The following OR8B8 variants were observed in gnomAD, a reference collection of about 807,000 sequenced individuals.
The protein encoded by OR8B8 is olfactory receptor family 8 subfamily B member 8, also known as olfactory receptor 8B8.
In OR8B8, 8 loss-of-function variants were observed where a neutral mutation model predicts 10.5. The ratio of observed to expected loss-of-function variants is 0.76; its 90% CI spans 0.45 to 1.38. The LOEUF (loss-of-function observed/expected upper bound fraction) is 1.38, where lower values mean the gene tolerates loss of function less well. Among genes scored for constraint, OR8B8 ranks in the 40% most tolerant of loss-of-function variants. OR8B8 has a pLI of 0.00. For synonymous variants in OR8B8, 150 were observed against 145.2 expected (o/e 1.03, Z -0.24); for missense variants, 390 against 380.5 (o/e 1.03, Z -0.21).
Position 124,443,612 on chromosome 11 carries a change from G to A in OR8B8, c.-153+1964C>T, listed in dbSNP as rs1347365743. Among the ~76,000 whole-genome samples the A allele has an allele frequency of 7.2e-5, 11 of 152,310 alleles. No individual in the cohort carries two copies. In the South Asian group the frequency reaches 1.5e-3, roughly 20 times the overall value. ...TTTAGCACATGACAAGTCACATAACGCTGGCCCTGTCTTCTAGCTGTGTTG... is the reference window on the plus strand; with the variant it reads ...TTTAGCACATGACAAGTCACATAACACTGGCCCTGTCTTCTAGCTGTGTTG... On this transcript the variant is annotated intron_variant, in intron 1 of 2. Coordinates refer to ENST00000642064, the MANE Select transcript of OR8B8 (RefSeq NM_012378.2).
intron 1 of OR8B8, among the ~76,000 whole-genome samples, chr11:124,442,744 CAT>C (rs1200082511): frequency 6.6e-6 from 1 of 152,154 alleles, no homozygotes; most frequent in East Asian, 1.9e-4. Context: ...TTGTTCTTTT[CAT>C]AACTCCCCTC....
Position 124,437,477 on chromosome 11 carries a change from A to T in OR8B8, c.*2673T>A, listed in dbSNP as rs1156625350. 6.6e-6 allele frequency: 1 copy of T among 152,236 alleles called. No individual in the cohort carries two copies. Among genetic ancestry groups the T allele is most frequent in the Non-Finnish European group, 1.5e-5 (1 of 68,072 alleles). The allele number at this position is 152,236 out of a possible 1,614,324, so 9.4% of individuals were successfully genotyped here. A position where few individuals can be genotyped will look rare whatever the true frequency, so the allele number is the denominator to read the frequency against. On this transcript the variant is annotated 3_prime_UTR_variant, in exon 3 of 3. Transcript: ENST00000642064. ...GGTGGCTTTTAAACAGCAGGAATTTATTTCTCATGGTTCCAGAGGCTGAGA... is the reference window on the plus strand; with the variant it reads ...GGTGGCTTTTAAACAGCAGGAATTTTTTTCTCATGGTTCCAGAGGCTGAGA...
At chr11:124,444,917 C>T (rs1411214683) in intron 1 of OR8B8, among the ~76,000 whole-genome samples, 1 of 152,144 alleles carries the variant, frequency 6.6e-6, no homozygotes, top group East Asian at 1.9e-4. Context: ...GGGAACAATA[C>T]ACTCTTCAAA....
Position 124,440,954 on chromosome 11 carries a change from G to T in OR8B8, c.132C>A (p.Gly44=), listed in dbSNP as rs377507238. 27 of 1,613,962 alleles carry T rather than the reference G, an allele frequency of 1.7e-5. No homozygotes were observed. The highest frequency in any genetic ancestry group is 2.3e-5 in the Non-Finnish European group (27 of 1,180,008). ...FYVVTVVGNL[G]LITLIRLNSH... is the part of the protein sequence containing the mutation. ...AGTTGAGCCTTATCAGGGTTATCAAGCCCAGGTTCCCCACCACAGTGACCA... is the reference window on the plus strand; with the variant it reads ...AGTTGAGCCTTATCAGGGTTATCAATCCCAGGTTCCCCACCACAGTGACCA... Residue 44 remains glycine (G), a synonymous_variant, in exon 3 of 3, where the codon GGC becomes GGA. Coordinates refer to ENST00000642064, the MANE Select transcript of OR8B8 (RefSeq NM_012378.2).
In OR8B8 at chr11:124,440,508, T is replaced by A. The variant is rs137889537; in HGVS notation, c.578A>T (p.Tyr193Phe). 2 of 1,614,260 alleles carry A rather than the reference T, an allele frequency of 1.2e-6. No individual in the cohort carries two copies. The highest frequency in any genetic ancestry group is 4.5e-5 in the East Asian group (2 of 44,892). The change falls in exon 3 of 3, where the codon TAT (tyrosine) becomes TTT (phenylalanine). Residue 193 changes from tyrosine (Y) to phenylalanine (F), a missense_variant. By Grantham distance (22) the Tyr-to-Phe change is conservative (BLOSUM62 3). Coordinates refer to ENST00000642064, the MANE Select transcript of OR8B8 (RefSeq NM_012378.2). ...AACAAACACTACAAGCTCATTCACA[T>A]AGGTGCTGGTGCAAGCACACTCAAG... is the stretch of plus-strand genomic sequence containing the variant. ...PLLECACTST[Y>F]VNELVVFVVV... is the part of the protein sequence containing the mutation.
rs374652885 is a variant in OR8B8 at position 124,444,016 on chromosome 11, T to G, written c.-153+1560A>C. ...ATTCTTCTTAGTACATCAAAAGATC[T>G]CAGAGGAACTAATCCTAAATTCCCC... On this transcript the variant is annotated intron_variant, in intron 1 of 2. Coordinates refer to ENST00000642064, the MANE Select transcript of OR8B8 (RefSeq NM_012378.2). Among the ~76,000 whole-genome samples the G allele has an allele frequency of 2.4e-4, 36 of 152,314 alleles. No individual in the cohort carries two copies. The East Asian group carries it at 3.9e-3, about 16-fold the overall frequency.
At chr11:124,445,196 A>C (rs1861515916) in intron 1 of OR8B8, among the ~76,000 whole-genome samples, 1 of 152,108 alleles carries the variant, frequency 6.6e-6, no homozygotes, top group African/African-American at 2.4e-5. Flanking sequence ...CTTTCCTTCA[A>C]TTCTCTGTCA....
rs761780401 is a variant in OR8B8 at position 124,440,128 on chromosome 11, T to C, written c.*22A>G. 1.3e-5 allele frequency: 20 copies of C among 1,577,174 alleles called. No individual in the cohort carries two copies. The Admixed American group carries it at 3.4e-4, about 27-fold the overall frequency. Reference sequence around the variant, plus strand: ...TCACTTATGGGAGAAACAGTGTTTCTTTCCTGAGCATTGCCCTTTTCTCAG... The same window carrying C: ...TCACTTATGGGAGAAACAGTGTTTCCTTCCTGAGCATTGCCCTTTTCTCAG... On this transcript the variant is annotated 3_prime_UTR_variant, in exon 3 of 3. Transcript: ENST00000642064.
chr11:124,437,671 C>CGT lies in OR8B8; in HGVS notation c.*2478_*2479insAC, dbSNP rs1444940320. The CGT allele has an allele frequency of 2.4e-5, 3 of 127,520 alleles. No individual in the cohort carries two copies. The highest frequency in any genetic ancestry group is 1.2e-4 in the African/African-American group (3 of 25,376). The allele number at this position is 127,520 out of a possible 1,614,324, so 7.9% of individuals were successfully genotyped here. On this transcript the variant is annotated 3_prime_UTR_variant, in exon 3 of 3. Transcript: ENST00000642064. The stretch of plus-strand genomic sequence containing the variant: ...GTGTGTGTGTGTGTGTGTGTGTGCG[C>CGT]GCGCGCGTGCGTGCGTGCTGGGATT...
In OR8B8 at chr11:124,438,897, C is replaced by G. The variant is rs934271753; in HGVS notation, c.*1253G>C. 6.6e-6 allele frequency: 1 copy of G among 152,230 alleles called. No homozygotes were observed. Among genetic ancestry groups the G allele is most frequent in the African/African-American group, 2.4e-5 (1 of 41,456 alleles). The allele number at this position is 152,230 out of a possible 1,614,324, so 9.4% of individuals were successfully genotyped here. On this transcript the variant is annotated 3_prime_UTR_variant, in exon 3 of 3. Coordinates refer to ENST00000642064, the MANE Select transcript of OR8B8 (RefSeq NM_012378.2). ...GAAATAAATAGCATAATATCACACT[C>G]CTCCTACCCTCTGATTTCCTCTGCT...
rs66912990 is a variant in OR8B8, at chr11:124,437,626, T to TTG, written c.*2522_*2523dup. Reference sequence around the variant, plus strand: ...AGGTGGGGGAGGTCTCTCTCAGACTTTGTGTGTGTGTGTGTGTGTGTGTGT... The same window carrying TTG: ...AGGTGGGGGAGGTCTCTCTCAGACTTTGTGTGTGTGTGTGTGTGTGTGTGTGT... On this transcript the variant is annotated 3_prime_UTR_variant, in exon 3 of 3. Transcript: ENST00000642064. 12,096 of 143,838 alleles carry TTG rather than the reference T, an allele frequency of 0.084. 594 individuals carry two copies. The highest frequency in any genetic ancestry group is 0.14 in the Admixed American group (1,978 of 14,626). 8.9% of individuals were successfully genotyped at this position (143,838 alleles called of 1,614,324 possible). A position where few individuals can be genotyped will look rare whatever the true frequency, so the allele number is the denominator to read the frequency against.
chr11:124,442,722 G>A (rs1051591675), intron 1 of OR8B8, among the ~76,000 whole-genome samples: 3 of 152,068 alleles, frequency 2.0e-5, no homozygotes, highest in African/African-American at 4.8e-5. Context: ...TTGCTTTCTC[G>A]TTTTGCTTGC....
chr11:124,441,776 C>T (rs556628665), intron 1 of OR8B8, among the ~76,000 whole-genome samples, 153 bp from the exon 2 acceptor site: 1 of 152,186 alleles, frequency 6.6e-6, no homozygotes, highest in African/African-American at 2.4e-5. Flanking sequence ...TGCAGAAAGG[C>T]GACAGCATCC....
In OR8B8 at chr11:124,441,551, A is replaced by T. The variant is rs1861476262; in HGVS notation, c.-80T>A. The T allele has an allele frequency of 6.1e-6, 1 of 164,948 alleles. No homozygotes were observed. Among genetic ancestry groups the T allele is most frequent in the African/African-American group, 2.4e-5 (1 of 41,704 alleles). 10.2% of individuals were successfully genotyped at this position (164,948 alleles called of 1,614,324 possible). A position where few individuals can be genotyped will look rare whatever the true frequency, so the allele number is the denominator to read the frequency against. ...CCGGATTCAGCCTCTCATCCTCTTC[A>T]GCCCAGAGTTTCAGTGATGTGCCTT... On this transcript the variant is annotated 5_prime_UTR_variant, in exon 2 of 3. Coordinates refer to ENST00000642064, the MANE Select transcript of OR8B8 (RefSeq NM_012378.2).
chr11:124,439,233 T>TTTG lies in OR8B8; in HGVS notation c.*914_*916dup, dbSNP rs541865563. The TTTG allele has an allele frequency of 4.6e-5, 7 of 152,318 alleles. No homozygotes were observed. The highest frequency in any genetic ancestry group is 7.3e-5 in the Non-Finnish European group (5 of 68,166). The allele number at this position is 152,318 out of a possible 1,614,324, so 9.4% of individuals were successfully genotyped here. On this transcript the variant is annotated 3_prime_UTR_variant, in exon 3 of 3. Coordinates refer to ENST00000642064, the MANE Select transcript of OR8B8 (RefSeq NM_012378.2). ...GTGGACTTCTCCATCTTGAAGTTTT[T>TTTG]TTGTTGTTGTTGTTGTTTAGATGGA...
In OR8B8 at chr11:124,440,730, G is replaced by C. The variant is rs775943430; in HGVS notation, c.356C>G (p.Ala119Gly). 6.2e-7 allele frequency: 1 copy of C among 1,614,162 alleles called. No homozygotes were observed. Among genetic ancestry groups the C allele is most frequent in the Non-Finnish European group, 8.5e-7 (1 of 1,180,022 alleles). The change falls in exon 3 of 3, where the codon GCG becomes GGG. Residue 119 changes from alanine to glycine, a missense_variant. Coordinates refer to ENST00000642064, the MANE Select transcript of OR8B8 (RefSeq NM_012378.2). ...VSESFILSAMAYDRYVAICNP... is the reference protein window; with the variant it reads ...VSESFILSAMGYDRYVAICNP... ...ACAGATGGCCACATAGCGGTCATAC[G>C]CCATTGCTGACAGGATGAAGGACTC...
In OR8B8 at chr11:124,444,668, C is replaced by T. The variant is rs146833171; in HGVS notation, c.-153+908G>A. Reference sequence around the variant, plus strand: ...GGATGATGGCGATAATTCACAGTGTCGTTGTTGTGAGAGTTAAATTAAATC... The same window carrying T: ...GGATGATGGCGATAATTCACAGTGTTGTTGTTGTGAGAGTTAAATTAAATC... On this transcript the variant is annotated intron_variant, in intron 1 of 2. Transcript: ENST00000642064. 1.7e-3 allele frequency among the ~76,000 whole-genome samples: 257 copies of T among 152,266 alleles called. 2 individuals are homozygous for T. Among genetic ancestry groups the T allele is most frequent in the African/African-American group, 6.1e-3 (253 of 41,542 alleles).
At chr11:124,441,174 CCTT>C in intron 2 of OR8B8, 73 bp from the exon 3 acceptor site, 1 of 983,460 alleles carries the variant, frequency 1.0e-6, no homozygotes, top group Non-Finnish European at 1.5e-6. Flanking sequence ...ATCCCTCCTT[CCTT>C]CTTGAGAATA....
In OR8B8 at chr11:124,438,366, G is replaced by T. The variant is rs931946734; in HGVS notation, c.*1784C>A. 1 of 152,102 alleles carries T rather than the reference G, an allele frequency of 6.6e-6. No homozygotes were observed. Among genetic ancestry groups the T allele is most frequent in the Non-Finnish European group, 1.5e-5 (1 of 68,034 alleles). 9.4% of individuals were successfully genotyped at this position (152,102 alleles called of 1,614,324 possible). A position where few individuals can be genotyped will look rare whatever the true frequency, so the allele number is the denominator to read the frequency against. On this transcript the variant is annotated 3_prime_UTR_variant, in exon 3 of 3. Transcript: ENST00000642064. Reference sequence around the variant, plus strand: ...CCTTATTAATCTGCACCATCCCAAAGGGCAACACTCTACATCCATCCAAAC... The same window carrying T: ...CCTTATTAATCTGCACCATCCCAAATGGCAACACTCTACATCCATCCAAAC...
Sources: allele counts gnomAD v4.1 joint callset (sites outside exome capture counted in the v4.1 genomes callset), GRCh38; gene constraint gnomAD v4.1.1; transcripts MANE v1.5; gene names NCBI Gene and HGNC (gene_info 2026-07-23, HGNC 2026-07-21).